Variants in CPPED1 observed in about 807,000 individuals in gnomAD.
The protein encoded by CPPED1 is calcineurin like phosphoesterase domain containing 1, also known as serine/threonine-protein phosphatase CPPED1.
Under a neutral mutation model 28.0 loss-of-function variants are expected in CPPED1, and 28 were observed. That is an observed-to-expected ratio of 1.00 (90% CI 0.74 to 1.37). The LOEUF (loss-of-function observed/expected upper bound fraction) is 1.37, where lower values mean the gene tolerates loss of function less well. CPPED1 is among the 40% of genes most tolerant of loss of function. The pLI is 0.00. For missense variants in CPPED1, 504 were observed against 416.5 expected (o/e 1.21, Z -1.83); for synonymous variants, 198 against 180.2 (o/e 1.10, Z -0.79).
intron 2 of CPPED1, chr16:12,757,907 T>A (rs987860230): frequency 1.3e-5 from 2 of 151,364 alleles, no homozygotes; most frequent in East Asian, 4.0e-4. Context: ...GAGCAAAATA[T>A]ATGGCAACAA....
intron 2 of CPPED1, among the ~76,000 whole-genome samples, chr16:12,749,642 T>C (rs1034231288): frequency 1.3e-5 from 2 of 152,160 alleles, no homozygotes; most frequent in South Asian, 2.1e-4. Context: ...CAGGCTAGAG[T>C]GTAGTGGTGC....
chr16:12,698,556 C>G (rs1367131777), intron 3 of CPPED1, among the ~76,000 whole-genome samples: 1 of 152,144 alleles, frequency 6.6e-6, no homozygotes, highest in East Asian at 1.9e-4. Flanking sequence ...CTCAGCCTCC[C>G]AAGTAGCTGG....
At chr16:12,686,026 C>A (rs1567275514) in intron 3 of CPPED1, among the ~76,000 whole-genome samples, 2 of 152,110 alleles carry the variant, frequency 1.3e-5, no homozygotes, top group Non-Finnish European at 2.9e-5. Flanking sequence ...TTCAGCCAGG[C>A]CGAGTGCCTG....
chr16:12,782,768 G>A (rs2080540183), intron 1 of CPPED1, among the ~76,000 whole-genome samples: 1 of 152,052 alleles, frequency 6.6e-6, no homozygotes, highest in South Asian at 2.1e-4. Context: ...CTACTTGGGA[G>A]GCTGAGGCAC....
intron 3 of CPPED1, among the ~76,000 whole-genome samples, chr16:12,701,051 G>C (rs1012991710): frequency 1.3e-5 from 2 of 151,982 alleles, no homozygotes; most frequent in East Asian, 1.9e-4. Context: ...AACACAGTGA[G>C]ACCTCCATCT....
rs370107093 is a variant in CPPED1 at position 12,803,742 on chromosome 16, C to G, written c.35G>C (p.Arg12Thr). ...SAAEAGGVFHRARGRTLAAFP... is the reference protein window; with the variant it reads ...SAAEAGGVFHTARGRTLAAFP... ...CGCGGCCAGGGTCCTGCCCCTGGCT[C>G]TGTGGAAAACACCCCCCGCCTCTGC... The change falls in exon 1 of 4, where the codon AGA (arginine) becomes ACA (threonine). Residue 12 changes from arginine (R) to threonine (T), a missense_variant. Physicochemically the swap from Arg to Thr is moderately conservative, Grantham distance 71. Transcript: ENST00000381774. The G allele has an allele frequency of 6.3e-7, 1 of 1,595,450 alleles. No individual in the cohort carries two copies. Among genetic ancestry groups the G allele is most frequent in the Non-Finnish European group, 8.5e-7 (1 of 1,172,492 alleles).
intron 3 of CPPED1, among the ~76,000 whole-genome samples, chr16:12,696,359 C>T (rs745944702): frequency 3.6e-4 from 54 of 151,754 alleles, no homozygotes; most frequent in African/African-American, 1.1e-3. Flanking sequence ...GGTCCCCAAA[C>T]GGTTCGGGAT....
chr16:12,668,708 A>G (rs543738960), intron 3 of CPPED1, among the ~76,000 whole-genome samples: 2 of 152,352 alleles, frequency 1.3e-5, no homozygotes, highest in African/African-American at 4.8e-5. Context: ...AGATACACAA[A>G]TGGCCGATAA....
At chr16:12,666,278 T>C (rs2079825399) in intron 3 of CPPED1, among the ~76,000 whole-genome samples, 1 of 152,116 alleles carries the variant, frequency 6.6e-6, no homozygotes, top group African/African-American at 2.4e-5. Context: ...CAAATAGCTC[T>C]ACAGGCCAGA....
chr16:12,669,809 G>A (rs2079844534), intron 3 of CPPED1, among the ~76,000 whole-genome samples: 1 of 152,154 alleles, frequency 6.6e-6, no homozygotes. Flanking sequence ...ATAGCATTGA[G>A]CAAGAAATAC....
At chr16:12,696,041 G>T (rs2079988199) in intron 3 of CPPED1, among the ~76,000 whole-genome samples, 1 of 152,128 alleles carries the variant, frequency 6.6e-6, no homozygotes, top group African/African-American at 2.4e-5. Context: ...AAAATTAAAA[G>T]TAGCATGCCT....
rs150172478 is a variant in CPPED1, at chr16:12,672,062, C to T, written c.716-6947G>A. The stretch of plus-strand genomic sequence containing the variant: ...TGGTTTGCAGTCTAGGAGCCATGGG[C>T]TATAGCACACAGCCTAGGTGTGCAG... On this transcript the variant is annotated intron_variant, in intron 3 of 3. Coordinates refer to ENST00000381774, the MANE Select transcript of CPPED1 (RefSeq NM_018340.3). Among the ~76,000 whole-genome samples, 6 of 152,340 alleles carry T rather than the reference C, an allele frequency of 3.9e-5. No homozygotes were observed. In the East Asian group the frequency reaches 7.7e-4, roughly 20 times the overall value.
intron 3 of CPPED1, among the ~76,000 whole-genome samples, chr16:12,684,663 C>T (rs2079923497): frequency 1.3e-5 from 2 of 152,232 alleles, no homozygotes; most frequent in Non-Finnish European, 2.9e-5. Flanking sequence ...CATCCTCTCC[C>T]TTGCAAATTC....
At chr16:12,690,837 G>A (rs560741362) in intron 3 of CPPED1, among the ~76,000 whole-genome samples, 10 of 152,122 alleles carry the variant, frequency 6.6e-5, no homozygotes, top group South Asian at 2.1e-4. Flanking sequence ...TAGGCTCCAC[G>A]GACCCTCACT....
At chr16:12,686,959 A>G (rs1000725001) in intron 3 of CPPED1, among the ~76,000 whole-genome samples, 1 of 152,132 alleles carries the variant, frequency 6.6e-6, no homozygotes, top group Non-Finnish European at 1.5e-5. Flanking sequence ...CAGTACGTAC[A>G]CCAGGGGTTG....
At chr16:12,797,916 C>CA (rs200402884) in intron 1 of CPPED1, among the ~76,000 whole-genome samples, 3 of 151,562 alleles carry the variant, frequency 2.0e-5, no homozygotes, top group Non-Finnish European at 4.4e-5. Flanking sequence ...CTTGTCTCTA[C>CA]AAAAAAATAC....
intron 1 of CPPED1, among the ~76,000 whole-genome samples, chr16:12,792,790 T>G (rs1170617742): frequency 6.6e-6 from 1 of 152,180 alleles, no homozygotes; most frequent in East Asian, 1.9e-4. Context: ...ATGTAAGACA[T>G]GCCTTTGCTC....
intron 3 of CPPED1, among the ~76,000 whole-genome samples, chr16:12,696,098 T>C (rs74631028): frequency 0.011 from 1,631 of 152,284 alleles, 9 homozygotes; most frequent in Non-Finnish European, 0.017. Flanking sequence ...ATCGTCTATC[T>C]TCCCGCATAT....
intron 2 of CPPED1, among the ~76,000 whole-genome samples, chr16:12,705,929 T>C (rs1031599760): frequency 2.0e-4 from 30 of 152,224 alleles, no homozygotes; most frequent in African/African-American, 7.2e-4. Flanking sequence ...TTGATGTATA[T>C]TTGTTTCTGA....
Sources: gnomAD v4.1 joint callset for allele counts (sites outside exome capture counted in the v4.1 genomes callset) on GRCh38, gnomAD v4.1.1 for gene constraint, MANE v1.5 for transcripts, NCBI Gene and HGNC (gene_info 2026-07-23, HGNC 2026-07-21) for gene names.